Variants in RFX3 observed in about 807,000 individuals in gnomAD.
RFX3 encodes regulatory factor X3, also known as transcription factor RFX3.
Under a neutral mutation model 98.6 loss-of-function variants are expected in RFX3, and 14 were observed. That is an observed-to-expected ratio of 0.14 (90% CI 0.09 to 0.22). RFX3 has a LOEUF of 0.22. Among genes scored for constraint, RFX3 ranks in the 10% least tolerant of loss-of-function variants. The pLI is 1.00. For missense variants in RFX3, 639 were observed against 926.9 expected (o/e 0.69, Z 4.03); for synonymous variants, 383 against 328.4 (o/e 1.17, Z -1.80).
At position 3,456,268 on chromosome 9, in the gene RFX3, C is replaced by T. The variant is rs537568946; in HGVS notation, c.-8-60672G>A. On this transcript the variant is annotated intron_variant, in intron 1 of 16. Coordinates refer to ENST00000617270, the MANE Select transcript of RFX3 (RefSeq NM_001282116.2). ...GTGGGACATGGCAGTGACAGTTAAA[C>T]CACAACTTTCCAGGTCTCTTCATAT... 2.0e-3 allele frequency among the ~76,000 whole-genome samples: 302 copies of T among 152,314 alleles called. 1 individual carries two copies. The highest frequency in any genetic ancestry group is 7.0e-3 in the African/African-American group (291 of 41,558).
At chr9:3,244,949 T>C (rs1303622448) in intron 15 of RFX3, among the ~76,000 whole-genome samples, 1 of 152,198 alleles carries the variant, frequency 6.6e-6, no homozygotes, top group Non-Finnish European at 1.5e-5. Context: ...TGTTAATAAA[T>C]GATAAATCAG....
intron 15 of RFX3, among the ~76,000 whole-genome samples, chr9:3,233,475 G>A (rs954578164): frequency 6.6e-6 from 1 of 152,158 alleles, no homozygotes; most frequent in South Asian, 2.1e-4. Context: ...TAATGTTTGG[G>A]CACTGAAACA....
intron 2 of RFX3, among the ~76,000 whole-genome samples, chr9:3,363,612 T>A (rs1036708224): frequency 7.9e-5 from 12 of 152,208 alleles, no homozygotes; most frequent in African/African-American, 2.9e-4. Context: ...TGATATGCAA[T>A]AATATTGCAT....
intron 2 of RFX3, 141 bp downstream of exon 2, chr9:3,395,331 C>T (rs754325895): frequency 2.2e-6 from 2 of 894,726 alleles, no homozygotes; most frequent in African/African-American, 1.7e-5. Context: ...GCTCAAGAAA[C>T]ATTTGCTGAA....
intron 1 of RFX3, among the ~76,000 whole-genome samples, chr9:3,426,811 T>C (rs185300612): frequency 6.6e-6 from 1 of 152,302 alleles, no homozygotes; most frequent in East Asian, 1.9e-4. Flanking sequence ...TTCTACATTA[T>C]GATGAGTAGA....
intron 3 of RFX3, among the ~76,000 whole-genome samples, chr9:3,331,856 T>C (rs2991316): frequency 0.18 from 26,775 of 152,118 alleles, 2,426 homozygotes; most frequent in Middle Eastern, 0.22. Flanking sequence ...TTCCTAGTTA[T>C]ACTTTAAGAA....
intron 1 of RFX3, among the ~76,000 whole-genome samples, chr9:3,505,073 AT>A (rs1209573762): frequency 3.2e-5 from 3 of 93,730 alleles, no homozygotes. Context: ...ATAATAAAAT[AT>A]AAAAATAAAA....
At chr9:3,471,528 A>C (rs1848774421) in intron 1 of RFX3, among the ~76,000 whole-genome samples, 1 of 152,196 alleles carries the variant, frequency 6.6e-6, no homozygotes, top group Non-Finnish European at 1.5e-5. Context: ...TGTCTCTCTA[A>C]GTGTGAAATT....
rs114335488 is a variant in RFX3 at position 3,362,452 on chromosome 9, A to G, written c.118-15688T>C. Reference sequence around the variant, plus strand: ...CTTCTTCTGTTTTTCAGAAAGTCTTAGCTCTTTGGATATAATTTTCTTTCA... The same window carrying G: ...CTTCTTCTGTTTTTCAGAAAGTCTTGGCTCTTTGGATATAATTTTCTTTCA... On this transcript the variant is annotated intron_variant, in intron 2 of 16. Transcript: ENST00000617270. 3.9e-3 allele frequency among the ~76,000 whole-genome samples: 593 copies of G among 152,302 alleles called. 4 individuals carry two copies. Among genetic ancestry groups the G allele is most frequent in the African/African-American group, 0.013 (550 of 41,558 alleles).
At chr9:3,340,975 T>C (rs1463618503) in intron 3 of RFX3, among the ~76,000 whole-genome samples, 1 of 152,192 alleles carries the variant, frequency 6.6e-6, no homozygotes, top group African/African-American at 2.4e-5. Context: ...TGCGGCACTA[T>C]TCACAATAGC....
chr9:3,467,027 AT>A (rs1339717570), intron 1 of RFX3, among the ~76,000 whole-genome samples: 1 of 115,510 alleles, frequency 8.7e-6, no homozygotes, highest in African/African-American at 5.1e-5. Flanking sequence ...AATCTAAAGA[AT>A]TATATATATA....
intron 3 of RFX3, among the ~76,000 whole-genome samples, chr9:3,339,184 G>A (rs55727890): frequency 4.6e-5 from 7 of 151,862 alleles, no homozygotes; most frequent in South Asian, 2.1e-4. Flanking sequence ...TTCTGTGGCC[G>A]TTGCTCATGA....
chr9:3,291,003 T>A (rs1378801640), intron 6 of RFX3, among the ~76,000 whole-genome samples: 1 of 152,176 alleles, frequency 6.6e-6, no homozygotes, highest in Non-Finnish European at 1.5e-5. Flanking sequence ...AGAGGGGTCC[T>A]CCTATACCTT....
intron 1 of RFX3, among the ~76,000 whole-genome samples, chr9:3,414,568 T>A (rs1842735750): frequency 6.7e-6 from 1 of 149,248 alleles, no homozygotes; most frequent in African/African-American, 2.5e-5. Context: ...TATATGCTAG[T>A]GGTATCTACT....
intron 1 of RFX3, among the ~76,000 whole-genome samples, chr9:3,467,799 C>CTAT (rs1848445658): frequency 6.6e-6 from 1 of 152,154 alleles, no homozygotes; most frequent in Non-Finnish European, 1.5e-5. Flanking sequence ...TACAAGCACA[C>CTAT]ATAGGGCTTC....
intron 1 of RFX3, among the ~76,000 whole-genome samples, chr9:3,478,760 G>C (rs944250234): frequency 1.3e-5 from 2 of 152,146 alleles, no homozygotes; most frequent in African/African-American, 2.4e-5. Context: ...GCTTTCCAAA[G>C]TTCCCTATAG....
Position 3,525,940 on chromosome 9 carries a change from GGGAGA to G in RFX3, c.-207_-203del. 7.7e-6 allele frequency: 7 copies of G among 914,724 alleles called. No homozygotes were observed. Among genetic ancestry groups the G allele is most frequent in the South Asian group, 5.1e-5 (1 of 19,774 alleles). 56.7% of individuals were successfully genotyped at this position (914,724 alleles called of 1,614,324 possible). ...ATAACTCACAAAAGAGAGAGAGAGA[GGGAGA>G]GAGAGAGAGAGCGAGAGGGAGAGGG... is the stretch of plus-strand genomic sequence containing the variant. On this transcript the variant is annotated 5_prime_UTR_variant, in exon 1 of 17. Transcript: ENST00000617270.
intron 3 of RFX3, among the ~76,000 whole-genome samples, chr9:3,342,497 G>C (rs1016674578): frequency 2.0e-5 from 3 of 152,094 alleles, no homozygotes; most frequent in African/African-American, 7.2e-5. Flanking sequence ...TCTAAAGAGT[G>C]GGCAAGTTTC....
chr9:3,245,468 G>C (rs575628548), intron 15 of RFX3, among the ~76,000 whole-genome samples: 2 of 152,150 alleles, frequency 1.3e-5, no homozygotes, highest in Non-Finnish European at 2.9e-5. Flanking sequence ...AGTCACTGAA[G>C]GGTTTCAAGT....
Sources: allele counts gnomAD v4.1 joint callset (sites outside exome capture counted in the v4.1 genomes callset), GRCh38; gene constraint gnomAD v4.1.1; transcripts MANE v1.5; gene names NCBI Gene and HGNC (gene_info 2026-07-23, HGNC 2026-07-21).